The following CSMD1 variants were observed in gnomAD, a reference collection of about 807,000 sequenced individuals.
CSMD1 encodes CUB and sushi domain-containing protein 1.
A neutral mutation model predicts 417.5 loss-of-function variants in CSMD1; 213 were observed. That is an observed-to-expected ratio of 0.51 (90% CI 0.46 to 0.57). The LOEUF (loss-of-function observed/expected upper bound fraction) is 0.57, where lower values mean the gene tolerates loss of function less well. Ranked by LOEUF, CSMD1 falls within the 20% of genes least tolerant of loss-of-function variation. The pLI, the probability that CSMD1 is intolerant of heterozygous loss-of-function variation, is 0.00. For missense variants in CSMD1, 6,923 were observed against 4,529.7 expected, an observed-to-expected ratio of 1.53 and a Z score of -15.17; for synonymous variants, 2,862 against 1,736.8, an observed-to-expected ratio of 1.65 and a Z score of -16.11.
chr8:3,527,840 T>TC (rs1402578550), intron 10 of CSMD1, among the ~76,000 whole-genome samples: 2 of 152,192 alleles, frequency 1.3e-5, no homozygotes, highest in Admixed American at 6.5e-5. Context: ...GATGTGCATC[T>TC]CTTAACAGAG....
At chr8:3,058,684 G>C (rs1027512059) in intron 49 of CSMD1, among the ~76,000 whole-genome samples, 1 of 151,944 alleles carries the variant, frequency 6.6e-6, no homozygotes, top group Non-Finnish European at 1.5e-5. Context: ...AAGTACATCT[G>C]GGGGAGGGGG....
At chr8:3,157,236 T>C (rs982566015) in intron 39 of CSMD1, among the ~76,000 whole-genome samples, 4 of 152,082 alleles carry the variant, frequency 2.6e-5, no homozygotes, top group Admixed American at 2.6e-4. Context: ...GCCTGAATGA[T>C]GGGGAGCAAA....
chr8:4,197,576 G>T (rs958207000), intron 3 of CSMD1, among the ~76,000 whole-genome samples: 2 of 152,098 alleles, frequency 1.3e-5, no homozygotes, highest in African/African-American at 2.4e-5. Context: ...GGAGAGCCCT[G>T]GCTAATAAAA....
intron 52 of CSMD1, among the ~76,000 whole-genome samples, chr8:3,005,569 C>A (rs2128959276): frequency 6.6e-6 from 1 of 152,262 alleles, no homozygotes; most frequent in South Asian, 2.1e-4. Context: ...AAAAGCTTAT[C>A]CACCATGATC....
intron 40 of CSMD1, among the ~76,000 whole-genome samples, chr8:3,143,873 G>A (rs143962743): frequency 3.3e-5 from 5 of 152,128 alleles, no homozygotes; most frequent in Non-Finnish European, 7.4e-5. Flanking sequence ...ATCCACTCAG[G>A]TGTCAAAGGA....
At chr8:2,969,384 C>A (rs181910434) in intron 57 of CSMD1, among the ~76,000 whole-genome samples, 98 of 152,120 alleles carry the variant, frequency 6.4e-4, no homozygotes, top group Middle Eastern at 3.4e-3. Context: ...TGAGATAGAT[C>A]CATTTGAAAT....
At chr8:4,142,485 T>C (rs1478195803) in intron 3 of CSMD1, among the ~76,000 whole-genome samples, 1 of 151,330 alleles carries the variant, frequency 6.6e-6, no homozygotes, top group Non-Finnish European at 1.5e-5. Context: ...ATTTGCTAAA[T>C]TCACAAGCTC....
In CSMD1 at chr8:3,619,988, G is replaced by C. The variant is rs541691957; in HGVS notation, c.1010-3191C>G. Among the ~76,000 whole-genome samples the C allele has an allele frequency of 1.9e-3, 282 of 152,274 alleles. 2 individuals carry two copies. The highest frequency in any genetic ancestry group is 6.5e-3 in the African/African-American group (271 of 41,558). On this transcript the variant is annotated intron_variant, in intron 7 of 69. Coordinates refer to ENST00000635120, the MANE Select transcript of CSMD1 (RefSeq NM_033225.6). The stretch of plus-strand genomic sequence containing the variant: ...ATGGTGGCAGGCACCTGTAATCCCA[G>C]CTACTTGGGAGGCTGAGACAGGAGA...
At chr8:3,329,413 G>C (rs11778590) in intron 23 of CSMD1, among the ~76,000 whole-genome samples, 4 of 151,992 alleles carry the variant, frequency 2.6e-5, no homozygotes, top group African/African-American at 4.8e-5. Context: ...CCTTCAAGCA[G>C]ATGGAGAGTT....
At chr8:4,618,184 C>A (rs1801582126) in intron 2 of CSMD1, among the ~76,000 whole-genome samples, 1 of 152,108 alleles carries the variant, frequency 6.6e-6, no homozygotes, top group South Asian at 2.1e-4. Context: ...ATAAGATGTG[C>A]ATGTGACCAA....
intron 3 of CSMD1, among the ~76,000 whole-genome samples, chr8:4,105,271 A>T (rs1801509609): frequency 6.6e-6 from 1 of 152,174 alleles, no homozygotes; most frequent in South Asian, 2.1e-4. Context: ...ATTCAACTGT[A>T]AGGTGGAATT....
At chr8:4,057,646 CTAGGGTTTT>C (rs1390071881) in intron 3 of CSMD1, among the ~76,000 whole-genome samples, 1 of 95,490 alleles carries the variant, frequency 1.0e-5, no homozygotes, top group African/African-American at 3.2e-5. Flanking sequence ...AGGTTTTCTT[CTAGGGTTTT>C]TATAGTTTTA....
At chr8:4,539,400 C>A (rs944446786) in intron 2 of CSMD1, among the ~76,000 whole-genome samples, 1 of 152,212 alleles carries the variant, frequency 6.6e-6, no homozygotes, top group Non-Finnish European at 1.5e-5. Flanking sequence ...CCCACAGAAT[C>A]ATCATTTCAT....
chr8:3,492,332 G>A (rs1004551107), intron 11 of CSMD1, among the ~76,000 whole-genome samples: 2 of 152,100 alleles, frequency 1.3e-5, no homozygotes, highest in African/African-American at 2.4e-5. Flanking sequence ...GGCTCCCCAT[G>A]GGTGTCTCAC....
chr8:4,226,249 G>C (rs530855553), intron 3 of CSMD1, among the ~76,000 whole-genome samples: 1 of 152,236 alleles, frequency 6.6e-6, no homozygotes, highest in East Asian at 1.9e-4. Context: ...AAGTAAAATA[G>C]TGTATTAACA....
Position 3,240,756 on chromosome 8 carries a change from T to A in CSMD1, c.4154-10525A>T, listed in dbSNP as rs189522072. On this transcript the variant is annotated intron_variant, in intron 26 of 69. Transcript: ENST00000635120. Reference sequence around the variant, plus strand: ...GAGGTATCGAGGTTAGGAGAGTATATGGGTTTGGCACCACTGGGTGGATAG... The same window carrying A: ...GAGGTATCGAGGTTAGGAGAGTATAAGGGTTTGGCACCACTGGGTGGATAG... Among the ~76,000 whole-genome samples, 10 of 152,230 alleles carry A rather than the reference T, an allele frequency of 6.6e-5. No homozygotes were observed. In the East Asian group the frequency reaches 1.9e-3, roughly 29 times the overall value.
intron 2 of CSMD1, among the ~76,000 whole-genome samples, chr8:4,611,028 A>AT (rs1052127230): frequency 9.6e-4 from 146 of 151,304 alleles, no homozygotes; most frequent in African/African-American, 3.1e-3. Flanking sequence ...TGTAACTACC[A>AT]TTTTTTTTTC....
chr8:3,660,163 G>A (rs943344159), intron 7 of CSMD1, among the ~76,000 whole-genome samples: 6 of 152,144 alleles, frequency 3.9e-5, no homozygotes, highest in Admixed American at 2.6e-4. Flanking sequence ...GTAATGAGAG[G>A]CTATTATACT....
chr8:4,402,800 CTTTTTTTTTTTTTTTTTTTTCTTTT>C (rs1161085826), intron 3 of CSMD1, among the ~76,000 whole-genome samples: 1 of 89,370 alleles, frequency 1.1e-5, no homozygotes, highest in Non-Finnish European at 2.0e-5. Flanking sequence ...TCACTTTTTT[CTTTTTTTTTTTTTTTTTTTTCTTTT>C]TTTTTTTTTT....
Sources: gnomAD v4.1 joint callset for allele counts (sites outside exome capture counted in the v4.1 genomes callset) on GRCh38, gnomAD v4.1.1 for gene constraint, MANE v1.5 for transcripts, NCBI Gene and HGNC (gene_info 2026-07-23, HGNC 2026-07-21) for gene names.